KIF21B: variants seen among roughly 807,000 people sequenced by gnomAD.
KIF21B encodes the protein kinesin-like protein KIF21B.
A neutral mutation model predicts 192.9 loss-of-function variants in KIF21B; 85 were observed. The ratio of observed to expected loss-of-function variants is 0.44; its 90% CI spans 0.37 to 0.53. KIF21B has a LOEUF of 0.53. Ranked by LOEUF, KIF21B falls within the 20% of genes least tolerant of loss-of-function variation. The pLI, the probability that KIF21B is intolerant of heterozygous loss-of-function variation, is 0.00. For missense variants in KIF21B, 1,716 were observed against 2,194.8 expected, an observed-to-expected ratio of 0.78 and a Z score of 4.36; for synonymous variants, 832 against 884.6, an observed-to-expected ratio of 0.94 and a Z score of 1.05.
chr1:200,989,864 C>T (rs917500629), intron 21 of KIF21B, 78 bp downstream of exon 21: 32 of 1,191,190 alleles, frequency 2.7e-5, no homozygotes, highest in Non-Finnish European at 3.8e-5. Context: ...GCGCCAGGCC[C>T]CTGGGCTTCA....
chr1:200,978,049 ATGTT>A (rs573967076), intron 30 of KIF21B, among the ~76,000 whole-genome samples: 18 of 116,218 alleles, frequency 1.5e-4, no homozygotes, highest in East Asian at 2.6e-4. Flanking sequence ...ACATTTATTT[ATGTT>A]TGTTTGTTTG....
In KIF21B at chr1:200,997,847, GCT is replaced by G. The variant is rs1355122650; in HGVS notation, c.2077+535_2077+536del. ...CACCATTTGACACACTATAGTTTCT[GCT>G]CTTTCGTTTATGTTTGTCTTTCCCC... On this transcript the variant is annotated intron_variant, in intron 14 of 34. Coordinates refer to ENST00000461742, the MANE Select transcript of KIF21B (RefSeq NM_001252102.2). Among the ~76,000 whole-genome samples the G allele has an allele frequency of 1.2e-4, 19 of 152,258 alleles. No homozygotes were observed. The East Asian group carries it at 3.7e-3, about 29-fold the overall frequency.
intron 16 of KIF21B, among the ~76,000 whole-genome samples, chr1:200,992,003 A>C (rs1656731861): frequency 6.6e-6 from 1 of 152,254 alleles, no homozygotes; most frequent in African/African-American, 2.4e-5. Context: ...GCTTCTCTGC[A>C]GGGCCTGAAG....
At chr1:201,014,213 C>G (rs951199099) in intron 1 of KIF21B, among the ~76,000 whole-genome samples, 24 of 152,390 alleles carry the variant, frequency 1.6e-4, no homozygotes, top group Non-Finnish European at 3.4e-4. Context: ...CCGTCCTCCA[C>G]CCCCGGAGAA....
In KIF21B at chr1:200,969,534, G is replaced by A. The variant is rs550788547; in HGVS notation, c.*3987C>T. The A allele has an allele frequency of 1.1e-3, 173 of 152,932 alleles. 1 individual carries two copies. Among genetic ancestry groups the A allele is most frequent in the Non-Finnish European group, 2.0e-3 (136 of 68,052 alleles). 9.5% of individuals were successfully genotyped at this position (152,932 alleles called of 1,614,324 possible). On this transcript the variant is annotated 3_prime_UTR_variant, in exon 35 of 35. Transcript: ENST00000461742. ...GGTACAAAACATATATACACCTTGT[G>A]CTAGTCACATCATGGAGGACAGCAG...
At chr1:201,003,452 T>C (rs149313711) in intron 8 of KIF21B, 134 bp downstream of exon 8, 14 of 840,614 alleles carry the variant, frequency 1.7e-5, no homozygotes, top group South Asian at 1.5e-4. Context: ...TCAAGAGTCA[T>C]GTCCAAAGTG....
At chr1:200,988,997 A>G in intron 21 of KIF21B, 66 bp from the exon 22 acceptor site, 1 of 1,480,236 alleles carries the variant, frequency 6.8e-7, no homozygotes, top group Non-Finnish European at 9.1e-7. Context: ...ATATCACACA[A>G]CCTGCACCCC....
chr1:200,996,361 G>C lies in KIF21B; in HGVS notation c.2112C>G (p.Asn704Lys), dbSNP rs1413960102. ...TMECYTEEKA[N>K]KIKADYEKRL... ...TCTTCTCATAGTCTGCCTTGATCTT[G>C]TTGGCCTTCTCCTCAGTATAGCACT... Residue 704 changes from asparagine (N) to lysine (K), a missense_variant, in exon 15 of 35, where the codon AAC becomes AAG. This residue lies in a region of KIF21B where 1,087 missense variants were observed against 1,316.6 expected (regional missense o/e 0.83). Coordinates refer to ENST00000461742, the MANE Select transcript of KIF21B (RefSeq NM_001252102.2). The C allele has an allele frequency of 6.2e-7, 1 of 1,614,114 alleles. No homozygotes were observed. The highest frequency in any genetic ancestry group is 8.5e-7 in the Non-Finnish European group (1 of 1,180,038).
chr1:200,988,701 G>GGAAGTGAGGGCCTTGTGGT, intron 22 of KIF21B, 65 bp downstream of exon 22: 1 of 1,554,016 alleles, frequency 6.4e-7, no homozygotes, highest in Non-Finnish European at 8.7e-7. Flanking sequence ...GGCCTTGTGG[G>GGAAGTGAGGGCCTTGTGGT]GGTCTGAGCC....
Position 201,009,289 on chromosome 1 carries a change from C to T in KIF21B, c.241G>A (p.Ala81Thr). ...LIEGCFEGYN[A>T]TVLAYGQTGA... is the part of the protein sequence containing the mutation. ...ACCTGCCCATAGGCCAGCACCGTGG[C>T]ATTATAGCCCTCGAAGCAGCCCTCG... The change falls in exon 2 of 35, where the codon GCC (alanine) becomes ACC (threonine). Residue 81 changes from alanine (A) to threonine (T), a missense_variant. Coordinates refer to ENST00000461742, the MANE Select transcript of KIF21B (RefSeq NM_001252102.2). The T allele has an allele frequency of 1.2e-6, 2 of 1,614,224 alleles. No individual in the cohort carries two copies. The highest frequency in any genetic ancestry group is 1.7e-6 in the Non-Finnish European group (2 of 1,180,020).
chr1:201,013,947 G>A (rs1350044346), intron 1 of KIF21B, among the ~76,000 whole-genome samples: 1 of 152,028 alleles, frequency 6.6e-6, no homozygotes, highest in African/African-American at 2.4e-5. Context: ...CCAATCTTCC[G>A]TCCATCCCTT....
intron 34 of KIF21B, among the ~76,000 whole-genome samples, chr1:200,974,436 A>G (rs1322941552): frequency 6.6e-6 from 1 of 152,136 alleles, no homozygotes; most frequent in Non-Finnish European, 1.5e-5. Flanking sequence ...GAAGACAGCC[A>G]GGGCAGGGGA....
chr1:201,006,859 GAC>G lies in KIF21B; in HGVS notation c.448-1167_448-1166del, dbSNP rs575791469. 4.4e-4 allele frequency among the ~76,000 whole-genome samples: 65 copies of G among 146,070 alleles called. 1 individual carries two copies. In the East Asian group the frequency reaches 4.9e-3, roughly 11 times the overall value. On this transcript the variant is annotated intron_variant, in intron 3 of 34. Transcript: ENST00000461742. Reference sequence around the variant, plus strand: ...ACAGACACAGACACAGAGACACACAGACACACACACACACAGACACAGAGACA... The same window carrying G: ...ACAGACACAGACACAGAGACACACAGACACACACACACAGACACAGAGACA...
Position 201,000,249 on chromosome 1 carries a change from G to A in KIF21B, c.1685+141C>T, listed in dbSNP as rs1262628668. ...GCAAATCTGCGCCATGAATTCCCAA[G>A]CAATACTGAGGCAGCCCCTGGGGCT... On this transcript the variant is annotated intron_variant, in intron 11 of 34. Transcript: ENST00000461742. This position sits in a 1 kb window ranked among gnomAD's most constrained non-coding sequence, Gnocchi z 6.0. The A allele has an allele frequency of 5.5e-6, 5 of 903,862 alleles. No individual in the cohort carries two copies. The East Asian group carries it at 1.2e-4, about 22-fold the overall frequency. The allele number at this position is 903,862 out of a possible 1,614,324, so 56.0% of individuals were successfully genotyped here. A position where few individuals can be genotyped will look rare whatever the true frequency, so the allele number is the denominator to read the frequency against.
At chr1:201,002,453 C>A in intron 8 of KIF21B, 103 bp from the exon 9 acceptor site, 1 of 1,010,148 alleles carries the variant, frequency 9.9e-7, no homozygotes, top group South Asian at 1.4e-5. Context: ...TGGCCTTCCC[C>A]TGGATATGGC....
chr1:201,015,609 G>A (rs1415636312), intron 1 of KIF21B, among the ~76,000 whole-genome samples: 2 of 152,156 alleles, frequency 1.3e-5, no homozygotes, highest in Non-Finnish European at 2.9e-5. Flanking sequence ...CTGGGCAGTG[G>A]GGCAGAGCAG....
At position 201,020,760 on chromosome 1, in the gene KIF21B, G is replaced by A. The variant is rs542280850; in HGVS notation, c.41+2583C>T. ...ACAGATTGCAGGGCCAAGAGCCTTA[G>A]GCCTGGCACTTCTCACCTAGTCTAA... On this transcript the variant is annotated intron_variant, in intron 1 of 34. Transcript: ENST00000461742. Among the ~76,000 whole-genome samples the A allele has an allele frequency of 2.2e-3, 334 of 150,826 alleles. 2 individuals are homozygous for A. Among genetic ancestry groups the A allele is most frequent in the Non-Finnish European group, 3.7e-3 (254 of 67,930 alleles).
intron 1 of KIF21B, among the ~76,000 whole-genome samples, chr1:201,015,351 C>G (rs576253233): frequency 2.0e-5 from 3 of 152,194 alleles, no homozygotes; most frequent in Non-Finnish European, 4.4e-5. Context: ...GGACTAGAAT[C>G]GCCTTTCAGA....
chr1:200,974,645 C>T, intron 34 of KIF21B, 69 bp downstream of exon 34: 1 of 1,493,852 alleles, frequency 6.7e-7, no homozygotes. Context: ...CCTGAGCCTC[C>T]CAGCCTCCCC....
Sources: gnomAD v4.1 joint callset for allele counts (sites outside exome capture counted in the v4.1 genomes callset) on GRCh38, gnomAD v4.1.1 for gene constraint, gnomAD v4.1.1 regional missense constraint, Gnocchi (gnomAD v3.1) non-coding constraint, MANE v1.5 for transcripts, NCBI Gene and HGNC (gene_info 2026-07-23, HGNC 2026-07-21) for gene names.